DYNC2H1: variants seen among roughly 807,000 people sequenced by gnomAD.
DYNC2H1 encodes dynein cytoplasmic 2 heavy chain 1, also known as cytoplasmic dynein 2 heavy chain 1.
DYNC2H1 carries 410 observed loss-of-function variants against 570.0 expected under a neutral mutation model. The ratio of observed to expected loss-of-function variants is 0.72; its 90% confidence interval spans 0.66 to 0.78. DYNC2H1 has a LOEUF of 0.78. Among genes scored for constraint, DYNC2H1 ranks in the 30% least tolerant of loss-of-function variants. The probability of loss-of-function intolerance (pLI) is 0.00; values close to 1 mark genes in which losing one functional copy is unlikely to be tolerated. For missense variants in DYNC2H1, 4,865 were observed against 5,046.4 expected, an observed-to-expected ratio of 0.96 and a Z score of 1.09; for synonymous variants, 1,688 against 1,677.6, an observed-to-expected ratio of 1.01 and a Z score of -0.15.
Position 103,174,042 on chromosome 11 carries a change from G to A in DYNC2H1, c.5559-13G>A. On this transcript the variant is annotated splice_polypyrimidine_tract_variant and intron_variant, in intron 35 of 88. Coordinates refer to ENST00000375735, the MANE Select transcript of DYNC2H1 (RefSeq NM_001377.3). ...AGCTATTTGATGTGTTGATTTCCAT[G>A]TCTCTATTTCAGGGAACTTTTGACA... The A allele has an allele frequency of 6.4e-7, 1 of 1,554,296 alleles. No homozygotes were observed. The highest frequency in any genetic ancestry group is 8.7e-7 in the Non-Finnish European group (1 of 1,143,846).
chr11:103,390,671 G>C (rs1425463853), intron 83 of DYNC2H1, among the ~76,000 whole-genome samples: 1 of 152,170 alleles, frequency 6.6e-6, no homozygotes, highest in African/African-American at 2.4e-5. Flanking sequence ...CTTCCTTCAG[G>C]AGCTCTTGTA....
At chr11:103,154,655 T>G (rs1860728764) in intron 23 of DYNC2H1, 40 bp from the exon 24 acceptor site, 1 of 1,568,968 alleles carries the variant, frequency 6.4e-7, no homozygotes, top group Non-Finnish European at 8.6e-7. Context: ...TGTTTTATTT[T>G]TGGATGTAAT....
At chr11:103,393,700 G>A (rs1230415613) in intron 83 of DYNC2H1, among the ~76,000 whole-genome samples, 1 of 152,090 alleles carries the variant, frequency 6.6e-6, no homozygotes, top group African/African-American at 2.4e-5. Flanking sequence ...TCCTGTATTA[G>A]TCCATTTCAC....
chr11:103,426,256 A>T (rs907548843), intron 84 of DYNC2H1, among the ~76,000 whole-genome samples: 2 of 152,202 alleles, frequency 1.3e-5, no homozygotes, highest in Admixed American at 1.3e-4. Flanking sequence ...CTGTCAGTAA[A>T]TATGTGGGTA....
intron 28 of DYNC2H1, among the ~76,000 whole-genome samples, 164 bp from the exon 29 acceptor site, chr11:103,160,768 A>G (rs1026186387): frequency 6.6e-6 from 1 of 152,014 alleles, no homozygotes. Context: ...TTTTCCCTCA[A>G]TAGGACATTT....
At chr11:103,282,812 A>G (rs1401607849) in intron 72 of DYNC2H1, among the ~76,000 whole-genome samples, 196 bp from the exon 73 acceptor site, 1 of 152,094 alleles carries the variant, frequency 6.6e-6, no homozygotes, top group Non-Finnish European at 1.5e-5. Context: ...AATGATTGCA[A>G]CATTTTCCTA....
intron 85 of DYNC2H1, among the ~76,000 whole-genome samples, chr11:103,438,110 C>T (rs1944127142): frequency 6.6e-6 from 1 of 152,020 alleles, no homozygotes; most frequent in African/African-American, 2.4e-5. Flanking sequence ...TCAGGACTGA[C>T]CATAGCTTAC....
intron 87 of DYNC2H1, among the ~76,000 whole-genome samples, chr11:103,466,014 T>C (rs1034308830): frequency 6.6e-6 from 1 of 152,152 alleles, no homozygotes; most frequent in East Asian, 1.9e-4. Context: ...TATTTTTCAC[T>C]GTGTCACACT....
intron 17 of DYNC2H1, among the ~76,000 whole-genome samples, chr11:103,139,884 TGA>T (rs760458618): frequency 6.5e-4 from 99 of 152,224 alleles, no homozygotes; most frequent in Non-Finnish European, 1.2e-3. Context: ...ACTTGCTTTA[TGA>T]ATCTGGGTGC....
In DYNC2H1 at chr11:103,133,826, A is replaced by G; in HGVS notation, c.2106+119A>G. 9.1e-7 allele frequency: 1 copy of G among 1,097,958 alleles called. No homozygotes were observed. The highest frequency in any genetic ancestry group is 1.9e-5 in the South Asian group (1 of 52,928). 68.0% of individuals were successfully genotyped at this position (1,097,958 alleles called of 1,614,324 possible). A position where few individuals can be genotyped will look rare whatever the true frequency, so the allele number is the denominator to read the frequency against. On this transcript the variant is annotated intron_variant, in intron 14 of 88. Coordinates refer to ENST00000375735, the MANE Select transcript of DYNC2H1 (RefSeq NM_001377.3). This position sits in a 1 kb window ranked among gnomAD's most constrained non-coding sequence, Gnocchi z 4.8. ...TGAGACTTAAAGTTACAAAAATAGT[A>G]CAGAGAAATCACAATTCCCATTTGC... is the stretch of plus-strand genomic sequence containing the variant.
intron 84 of DYNC2H1, among the ~76,000 whole-genome samples, chr11:103,409,838 C>CTAGT (rs1943010039): frequency 1.3e-5 from 2 of 150,304 alleles, no homozygotes; most frequent in African/African-American, 5.0e-5. Flanking sequence ...TTAGTTATTT[C>CTAGT]TAGTTAATAC....
At chr11:103,463,149 A>G (rs1435430195) in intron 87 of DYNC2H1, among the ~76,000 whole-genome samples, 1 of 152,208 alleles carries the variant, frequency 6.6e-6, no homozygotes, top group Non-Finnish European at 1.5e-5. Flanking sequence ...ATCCACTCTT[A>G]TCTAAATATA....
At position 103,395,690 on chromosome 11, in the gene DYNC2H1, T is replaced by C. The variant is rs1942369293; in HGVS notation, c.12157-3973T>C. Among the ~76,000 whole-genome samples, 1 of 152,158 alleles carries C rather than the reference T, an allele frequency of 6.6e-6. No individual in the cohort carries two copies. Among genetic ancestry groups the C allele is most frequent in the Non-Finnish European group, 1.5e-5 (1 of 68,016 alleles). On this transcript the variant is annotated intron_variant, in intron 83 of 88. Coordinates refer to ENST00000375735, the MANE Select transcript of DYNC2H1 (RefSeq NM_001377.3). The surrounding 1 kb of genome is among the most constrained non-coding windows in gnomAD (Gnocchi z 4.3). ...ACATTTCATTGTCTCTGTTTGGTCA[T>C]GCTGCCATCCCTGAACCAGTCACTG...
intron 87 of DYNC2H1, among the ~76,000 whole-genome samples, chr11:103,463,789 C>G (rs1420277550): frequency 6.6e-6 from 1 of 152,080 alleles, no homozygotes; most frequent in Admixed American, 6.6e-5. Flanking sequence ...GTTGCAGAAT[C>G]ACTGATTGAG....
intron 34 of DYNC2H1, among the ~76,000 whole-genome samples, chr11:103,172,381 GT>G (rs1233877486): frequency 1.3e-5 from 2 of 151,926 alleles, no homozygotes; most frequent in South Asian, 2.1e-4. Context: ...TCCTCATTAG[GT>G]TTTAAACATA....
rs537095610 is a variant in DYNC2H1, at chr11:103,472,658, C to T, written c.12765+3953C>T. Among the ~76,000 whole-genome samples the T allele has an allele frequency of 6.6e-6, 1 of 152,108 alleles. No individual in the cohort carries two copies. Among genetic ancestry groups the T allele is most frequent in the African/African-American group, 2.4e-5 (1 of 41,492 alleles). Reference sequence around the variant, plus strand: ...AGTGAACATTTATTTGCACTGATTACATACCAAGCACTATGCAAGGTGTTT... The same window carrying T: ...AGTGAACATTTATTTGCACTGATTATATACCAAGCACTATGCAAGGTGTTT... On this transcript the variant is annotated intron_variant, in intron 88 of 88. Coordinates refer to ENST00000375735, the MANE Select transcript of DYNC2H1 (RefSeq NM_001377.3). The surrounding 1 kb of genome is among the most constrained non-coding windows in gnomAD (Gnocchi z 4.1).
At position 103,254,866 on chromosome 11, in the gene DYNC2H1, G is replaced by C. The variant is rs981806864; in HGVS notation, c.10207-549G>C. On this transcript the variant is annotated intron_variant, in intron 66 of 88. Coordinates refer to ENST00000375735, the MANE Select transcript of DYNC2H1 (RefSeq NM_001377.3). The surrounding 1 kb of genome is among the most constrained non-coding windows in gnomAD (Gnocchi z 4.9). ...GGCTCACTGTAACTTCTGCCTCCTA[G>C]GTTTAAGCTATTCTCCTGCCTCAGC... Among the ~76,000 whole-genome samples the C allele has an allele frequency of 1.3e-5, 2 of 152,152 alleles. No individual in the cohort carries two copies. Among genetic ancestry groups the C allele is most frequent in the Middle Eastern group, 6.8e-3 (2 of 294 alleles).
At chr11:103,308,295 A>G (rs1404628320) in intron 78 of DYNC2H1, among the ~76,000 whole-genome samples, 6 of 152,178 alleles carry the variant, frequency 3.9e-5, no homozygotes, top group Non-Finnish European at 2.9e-5. Flanking sequence ...CACTTAACAT[A>G]ATGTCCTCAA....
intron 59 of DYNC2H1, among the ~76,000 whole-genome samples, chr11:103,227,117 AT>A (rs1473588023): frequency 6.6e-6 from 1 of 150,676 alleles, no homozygotes; most frequent in Non-Finnish European, 1.5e-5. Flanking sequence ...TGTCAATTTT[AT>A]TTTTTCAAAG....
Sources: gnomAD v4.1 joint callset for allele counts (sites outside exome capture counted in the v4.1 genomes callset) on GRCh38, gnomAD v4.1.1 for gene constraint, Gnocchi (gnomAD v3.1) non-coding constraint, MANE v1.5 for transcripts, NCBI Gene and HGNC (gene_info 2026-07-23, HGNC 2026-07-21) for gene names.